Variants in LAMA2 observed in about 807,000 individuals in gnomAD.
LAMA2 encodes laminin subunit alpha-2.
Under a neutral mutation model 364.8 loss-of-function variants are expected in LAMA2, and 269 were observed. The observed-to-expected ratio is 0.74, with a 90% CI of 0.67 to 0.82. The LOEUF is 0.82. LAMA2 is among the 40% of genes least tolerant of loss of function. The pLI, the probability that LAMA2 is intolerant of heterozygous loss-of-function variation, is 0.00. For synonymous variants in LAMA2, 1,379 were observed against 1,370.6 expected, an observed-to-expected ratio of 1.01 and a Z score of -0.14; for missense variants, 3,807 against 3,873.2, an observed-to-expected ratio of 0.98 and a Z score of 0.45.
At chr6:129,294,753 G>A (rs982201229) in intron 20 of LAMA2, among the ~76,000 whole-genome samples, 4 of 152,128 alleles carry the variant, frequency 2.6e-5, no homozygotes, top group East Asian at 1.9e-4. Context: ...CGGATGAGGC[G>A]CCTCCAAGGC....
rs563984104 is a variant in LAMA2 at position 128,978,774 on chromosome 6, C to T, written c.113-71144C>T. Among the ~76,000 whole-genome samples, 105 of 152,276 alleles carry T rather than the reference C, an allele frequency of 6.9e-4. No individual in the cohort carries two copies. In the South Asian group the frequency reaches 0.016, roughly 23 times the overall value. Reference sequence around the variant, plus strand: ...TACAAGATAGACAGCAGTCAGTAGACGCTTGCTTCTCTGAGGAAGTGACTC... The same window carrying T: ...TACAAGATAGACAGCAGTCAGTAGATGCTTGCTTCTCTGAGGAAGTGACTC... On this transcript the variant is annotated intron_variant, in intron 1 of 64. Transcript: ENST00000421865.
chr6:129,092,099 G>A (rs1376418265), intron 3 of LAMA2, among the ~76,000 whole-genome samples: 2 of 152,152 alleles, frequency 1.3e-5, no homozygotes, highest in African/African-American at 4.8e-5. Context: ...ACCTCGGTGA[G>A]GTTCTAGACT....
chr6:129,314,353 AGCGCCACTGCACTCTGGCCTGG>A (rs1446579379), intron 23 of LAMA2, among the ~76,000 whole-genome samples: 1 of 140,298 alleles, frequency 7.1e-6, no homozygotes, highest in Non-Finnish European at 1.5e-5. Context: ...GAGCAGAGAT[AGCGCCACTGCACTCTGGCCTGG>A]GCGAAAGAGC....
At chr6:129,016,096 G>A (rs1785055181) in intron 1 of LAMA2, among the ~76,000 whole-genome samples, 1 of 151,994 alleles carries the variant, frequency 6.6e-6, no homozygotes, top group African/African-American at 2.4e-5. Flanking sequence ...ACAGTTTAAG[G>A]TATCATCTAT....
chr6:129,107,050 T>G (rs6941264), intron 4 of LAMA2, among the ~76,000 whole-genome samples: 39,867 of 151,564 alleles, frequency 0.26, 5,989 homozygotes, highest in African/African-American at 0.42. Context: ...GATCCACTGA[T>G]ATGGAACAGA....
chr6:129,353,364 A>G lies in LAMA2; in HGVS notation c.4717+7A>G. 6.2e-7 allele frequency: 1 copy of G among 1,611,666 alleles called. No homozygotes were observed. The highest frequency in any genetic ancestry group is 1.1e-5 in the South Asian group (1 of 90,998). ...GAGGGCTGGGAGTGTGTTTGTACGT[A>G]TACTAACTTTGCTGTTAGTTTTGGA... is the stretch of plus-strand genomic sequence containing the variant. On this transcript the variant is annotated splice_region_variant and intron_variant, in intron 32 of 64. Coordinates refer to ENST00000421865, the MANE Select transcript of LAMA2 (RefSeq NM_000426.4).
intron 34 of LAMA2, among the ~76,000 whole-genome samples, chr6:129,375,320 T>C (rs1394577248): frequency 1.3e-5 from 2 of 152,182 alleles, no homozygotes; most frequent in Non-Finnish European, 2.9e-5. Context: ...AAGATGCTTT[T>C]TGATGATGAC....
At chr6:129,350,225 A>G (rs1776782376) in intron 31 of LAMA2, among the ~76,000 whole-genome samples, 1 of 152,234 alleles carries the variant, frequency 6.6e-6, no homozygotes, top group South Asian at 2.1e-4. Context: ...GTTTTAGCAT[A>G]ATTGATAGCA....
chr6:129,425,947 C>T (rs1781304651), intron 40 of LAMA2, among the ~76,000 whole-genome samples: 1 of 151,752 alleles, frequency 6.6e-6, no homozygotes, highest in African/African-American at 2.4e-5. Flanking sequence ...CTTTTAAATG[C>T]TTGTCAGATT....
At chr6:129,221,365 A>C (rs1783838668) in intron 12 of LAMA2, among the ~76,000 whole-genome samples, 1 of 149,068 alleles carries the variant, frequency 6.7e-6, no homozygotes, top group Non-Finnish European at 1.5e-5. Context: ...GTAAAGACTC[A>C]TAAAATAATA....
chr6:128,885,204 A>G (rs191082424), intron 1 of LAMA2, among the ~76,000 whole-genome samples: 61 of 152,314 alleles, frequency 4.0e-4, no homozygotes, highest in Admixed American at 2.9e-3. Context: ...ACCATTTACA[A>G]TATATCTGGA....
At position 129,267,033 on chromosome 6, in the gene LAMA2, A is replaced by G. The variant is rs1034352940; in HGVS notation, c.2209-73A>G. 9.0e-5 allele frequency: 85 copies of G among 942,670 alleles called. 1 individual carries two copies. The highest frequency in any genetic ancestry group is 1.5e-4 in the Non-Finnish European group (83 of 567,652). The allele number at this position is 942,670 out of a possible 1,614,324, so 58.4% of individuals were successfully genotyped here. On this transcript the variant is annotated intron_variant, in intron 15 of 64. Coordinates refer to ENST00000421865, the MANE Select transcript of LAMA2 (RefSeq NM_000426.4). ...ACCTGTTATTTTCTGTTATCAGAAA[A>G]CAAACACAAACAAACAAAAACACCT...
chr6:129,413,475 A>G lies in LAMA2; in HGVS notation c.5865+9516A>G, dbSNP rs145909346. On this transcript the variant is annotated intron_variant, in intron 40 of 64. Transcript: ENST00000421865. ...ATGTCAACTAGATAATTAATTCTACATGCCCCATTCGATGAAGTAACTCAT... is the reference window on the plus strand; with the variant it reads ...ATGTCAACTAGATAATTAATTCTACGTGCCCCATTCGATGAAGTAACTCAT... Among the ~76,000 whole-genome samples the G allele has an allele frequency of 7.9e-5, 12 of 152,256 alleles. No individual in the cohort carries two copies. The East Asian group carries it at 2.3e-3, about 29-fold the overall frequency.
chr6:129,315,383 G>A (rs1381345836), intron 24 of LAMA2, 93 bp from the exon 25 acceptor site: 3 of 1,064,620 alleles, frequency 2.8e-6, no homozygotes, highest in Non-Finnish European at 4.3e-6. Context: ...AATGGGTATA[G>A]GAACTGCAGA....
intron 1 of LAMA2, among the ~76,000 whole-genome samples, chr6:128,960,576 T>C (rs989407816): frequency 1.3e-5 from 2 of 151,870 alleles, no homozygotes; most frequent in African/African-American, 4.8e-5. Context: ...GCCAGGCTGG[T>C]CTGGAACGCC....
rs530895429 is a variant in LAMA2 at position 129,486,384 on chromosome 6, A to G, written c.7750-90A>G. ...AATTTCTCAGGTAAGATCTCAGAGCAGACGAACCTGTGGTTCTGCCAGGGA... is the reference window on the plus strand; with the variant it reads ...AATTTCTCAGGTAAGATCTCAGAGCGGACGAACCTGTGGTTCTGCCAGGGA... On this transcript the variant is annotated intron_variant, in intron 55 of 64. Coordinates refer to ENST00000421865, the MANE Select transcript of LAMA2 (RefSeq NM_000426.4). The G allele has an allele frequency of 3.4e-5, 43 of 1,252,082 alleles. No individual in the cohort carries two copies. The South Asian group carries it at 3.6e-4, about 11-fold the overall frequency. 77.6% of individuals were successfully genotyped at this position (1,252,082 alleles called of 1,614,324 possible).
intron 35 of LAMA2, among the ~76,000 whole-genome samples, chr6:129,388,490 TTCTC>T (rs1224187250): frequency 5.3e-5 from 8 of 152,294 alleles, no homozygotes; most frequent in Non-Finnish European, 1.0e-4. Context: ...CCTTTTCCCT[TTCTC>T]TATCTGTTGT....
chr6:129,314,427 A>T (rs2114498481), intron 23 of LAMA2, among the ~76,000 whole-genome samples: 1 of 149,330 alleles, frequency 6.7e-6, no homozygotes, highest in African/African-American at 2.5e-5. Flanking sequence ...AAAGTACAAT[A>T]CCTTTAGTCT....
chr6:129,089,312 T>C (rs1774657625), intron 3 of LAMA2, among the ~76,000 whole-genome samples: 1 of 152,262 alleles, frequency 6.6e-6, no homozygotes. Flanking sequence ...CCAAATGCTT[T>C]GAACTAGAGT....
Sources: allele counts gnomAD v4.1 joint callset (sites outside exome capture counted in the v4.1 genomes callset), GRCh38; gene constraint gnomAD v4.1.1; transcripts MANE v1.5; gene names NCBI Gene and HGNC (gene_info 2026-07-23, HGNC 2026-07-21).